Variants in ABAT observed in about 807,000 individuals in gnomAD.
The protein encoded by ABAT is 4-aminobutyrate aminotransferase, mitochondrial.
ABAT carries 45 observed loss-of-function variants against 64.6 expected under a neutral mutation model. The ratio of observed to expected loss-of-function variants is 0.70; its 90% confidence interval spans 0.55 to 0.89. The LOEUF is 0.89. Ranked by LOEUF, ABAT falls within the 40% of genes least tolerant of loss-of-function variation. The pLI, the probability that ABAT is intolerant of heterozygous loss-of-function variation, is 0.00. For synonymous variants in ABAT, 297 were observed against 250.5 expected, an observed-to-expected ratio of 1.19 and a Z score of -1.75; for missense variants, 633 against 658.4, an observed-to-expected ratio of 0.96 and a Z score of 0.42.
chr16:8,688,545 C>T (rs1307858537), intron 1 of ABAT, among the ~76,000 whole-genome samples: 1 of 152,068 alleles, frequency 6.6e-6, no homozygotes, highest in Non-Finnish European at 1.5e-5. Context: ...CACTCAAACA[C>T]TGCAACTCAA....
intron 1 of ABAT, among the ~76,000 whole-genome samples, chr16:8,701,077 A>G (rs1001573664): frequency 6.6e-6 from 1 of 152,166 alleles, no homozygotes; most frequent in Non-Finnish European, 1.5e-5. Context: ...AGCTGGGACT[A>G]CAGGCACACA....
chr16:8,710,694 C>G (rs7501036), intron 1 of ABAT, among the ~76,000 whole-genome samples: 72,852 of 119,004 alleles, frequency 0.61, 21,677 homozygotes, highest in East Asian at 0.85. Flanking sequence ...GAGAGAGAGA[C>G]AGAGAGAGAG....
At chr16:8,732,041 C>G (rs1026525399) in intron 1 of ABAT, among the ~76,000 whole-genome samples, 1 of 151,862 alleles carries the variant, frequency 6.6e-6, no homozygotes, top group Non-Finnish European at 1.5e-5. Flanking sequence ...TTGGTAGAGA[C>G]GGGGTTTCAC....
At chr16:8,749,904 A>C (rs895642690) in intron 4 of ABAT, among the ~76,000 whole-genome samples, 1 of 151,870 alleles carries the variant, frequency 6.6e-6, no homozygotes, top group Non-Finnish European at 1.5e-5. Context: ...TAGTAGATAC[A>C]GGGTTTCACC....
In ABAT at chr16:8,778,416, G is replaced by A. The variant is rs866495542; in HGVS notation, c.1270-1063G>A. On this transcript the variant is annotated intron_variant, in intron 14 of 15. Coordinates refer to ENST00000268251, the MANE Select transcript of ABAT (RefSeq NM_020686.6). ...GTGTGGAGGCTTCACTCTGCTTCTGGCGTCACTTGGTGTTCTCCCCACTGT... is the reference window on the plus strand; with the variant it reads ...GTGTGGAGGCTTCACTCTGCTTCTGACGTCACTTGGTGTTCTCCCCACTGT... 3.0e-4 allele frequency among the ~76,000 whole-genome samples: 46 copies of A among 152,010 alleles called. 1 individual carries two copies. Among genetic ancestry groups the A allele is most frequent in the African/African-American group, 1.0e-3 (43 of 41,380 alleles).
At chr16:8,709,234 T>C (rs539878344) in intron 1 of ABAT, among the ~76,000 whole-genome samples, 2 of 91,856 alleles carry the variant, frequency 2.2e-5, no homozygotes, top group Non-Finnish European at 5.1e-5. Context: ...AATGTATTAT[T>C]TATCTTTTTT....
chr16:8,757,255 C>T, intron 5 of ABAT: 1 of 436,648 alleles, frequency 2.3e-6, no homozygotes, highest in Non-Finnish European at 4.5e-6. Flanking sequence ...GCAACCTCCG[C>T]CTCTTGTGTT....
chr16:8,747,982 A>G (rs1018949183), intron 3 of ABAT, 126 bp from the exon 4 acceptor site: 1 of 834,474 alleles, frequency 1.2e-6, no homozygotes, highest in African/African-American at 1.7e-5. Flanking sequence ...AATATGGTTG[A>G]CTAATAAAAT....
chr16:8,763,926 A>C, intron 6 of ABAT, 143 bp from the exon 7 acceptor site: 1 of 735,968 alleles, frequency 1.4e-6, no homozygotes, highest in Non-Finnish European at 2.4e-6. Flanking sequence ...GAAACCGGCC[A>C]TGCCCCACGC....
chr16:8,690,123 G>A (rs1366125877), intron 1 of ABAT, among the ~76,000 whole-genome samples: 5 of 152,164 alleles, frequency 3.3e-5, no homozygotes, highest in Non-Finnish European at 7.3e-5. Flanking sequence ...TCCTGGCACT[G>A]AACATTTCAT....
At chr16:8,692,866 T>C (rs1368099966) in intron 1 of ABAT, among the ~76,000 whole-genome samples, 1 of 152,232 alleles carries the variant, frequency 6.6e-6, no homozygotes, top group African/African-American at 2.4e-5. Context: ...TACCTTTTTC[T>C]TTTTTGAGAT....
intron 1 of ABAT, among the ~76,000 whole-genome samples, chr16:8,706,759 T>C (rs1229349553): frequency 2.0e-5 from 3 of 152,114 alleles, no homozygotes; most frequent in African/African-American, 7.2e-5. Flanking sequence ...CTAACTGTGA[T>C]GAGTGGAAAG....
intron 12 of ABAT, 58 bp downstream of exon 12, chr16:8,772,975 C>T (rs988228593): frequency 1.9e-5 from 30 of 1,608,612 alleles, no homozygotes; most frequent in Middle Eastern, 2.2e-4. Flanking sequence ...TTGAGTTCCC[C>T]GAGTAACGGG....
In ABAT at chr16:8,776,388, C is replaced by A; in HGVS notation, c.1167C>A (p.Asn389Lys). The change falls in exon 14 of 16, where the codon AAC (asparagine) becomes AAA (lysine). Residue 389 changes from asparagine (N) to lysine (K), a missense_variant. Transcript: ENST00000268251. This position sits in a 1 kb window ranked among gnomAD's most constrained non-coding sequence, Gnocchi z 4.4. The stretch of plus-strand genomic sequence containing the variant: ...CCTGGCTGGGGGACCCGTCCAAGAA[C>A]CTGTTGCTGGCTGAGGTCATCAACA... ...FNTWLGDPSK[N>K]LLLAEVINII... is the part of the protein sequence containing the mutation. 6.2e-7 allele frequency: 1 copy of A among 1,614,232 alleles called. No homozygotes were observed. The highest frequency in any genetic ancestry group is 1.3e-5 in the African/African-American group (1 of 75,052).
intron 1 of ABAT, among the ~76,000 whole-genome samples, chr16:8,687,117 G>A (rs1455801155): frequency 1.3e-5 from 2 of 152,150 alleles, no homozygotes; most frequent in African/African-American, 4.8e-5. Context: ...GTGCATTGTG[G>A]AGAGAGAGGG....
intron 2 of ABAT, chr16:8,736,084 G>A (rs553611376): frequency 6.7e-5 from 31 of 462,760 alleles, no homozygotes; most frequent in African/African-American, 2.2e-4. Flanking sequence ...ACAAAGGCAC[G>A]TCTTACATGG....
chr16:8,773,279 G>A (rs775473972), intron 12 of ABAT, among the ~76,000 whole-genome samples: 1 of 151,856 alleles, frequency 6.6e-6, no homozygotes, highest in East Asian at 1.9e-4. Flanking sequence ...AGCCTCCCGA[G>A]TAGCTGGGAC....
chr16:8,739,976 C>T (rs777992757), intron 2 of ABAT, among the ~76,000 whole-genome samples: 2 of 151,510 alleles, frequency 1.3e-5, no homozygotes, highest in Admixed American at 1.3e-4. Context: ...GGCAAAGATA[C>T]AGGAATACGT....
intron 1 of ABAT, among the ~76,000 whole-genome samples, chr16:8,675,488 C>A (rs755727235): frequency 6.6e-6 from 1 of 152,048 alleles, no homozygotes; most frequent in Non-Finnish European, 1.5e-5. Flanking sequence ...CCTAGTAACC[C>A]CCTGCACCAT....
Sources: allele counts gnomAD v4.1 joint callset (sites outside exome capture counted in the v4.1 genomes callset), GRCh38; gene constraint gnomAD v4.1.1; non-coding constraint Gnocchi (gnomAD v3.1); transcripts MANE v1.5; gene names NCBI Gene and HGNC (gene_info 2026-07-23, HGNC 2026-07-21).